TMEM132D: variants seen among roughly 807,000 people sequenced by gnomAD.
TMEM132D encodes the protein mature OL transmembrane protein.
TMEM132D carries 21 observed loss-of-function variants against 62.3 expected under a neutral mutation model. The ratio of observed to expected loss-of-function variants is 0.34; its 90% CI spans 0.24 to 0.49. The LOEUF (loss-of-function observed/expected upper bound fraction) is 0.49, where lower values mean the gene tolerates loss of function less well. Among genes scored for constraint, TMEM132D ranks in the 20% least tolerant of loss-of-function variants. The pLI, the probability that TMEM132D is intolerant of heterozygous loss-of-function variation, is 0.99. For synonymous variants in TMEM132D, 621 were observed against 575.6 expected (o/e 1.08, Z -1.13); for missense variants, 1,346 against 1,402.8 (o/e 0.96, Z 0.65).
At chr12:129,567,546 CATT>C (rs1451649133) in intron 2 of TMEM132D, among the ~76,000 whole-genome samples, 38 of 152,260 alleles carry the variant, frequency 2.5e-4, no homozygotes, top group Middle Eastern at 3.4e-3. Context: ...TCAATAAAAA[CATT>C]ATTGCTACAG....
At chr12:129,134,738 T>C (rs1331472550) in intron 5 of TMEM132D, among the ~76,000 whole-genome samples, 4 of 152,180 alleles carry the variant, frequency 2.6e-5, no homozygotes, top group Non-Finnish European at 5.9e-5. Context: ...CTGTCACTTG[T>C]TAGAGGGGTG....
At chr12:129,631,700 C>G (rs1176825707) in intron 2 of TMEM132D, among the ~76,000 whole-genome samples, 1 of 152,172 alleles carries the variant, frequency 6.6e-6, no homozygotes, top group East Asian at 1.9e-4. Flanking sequence ...AAGTGAGTGC[C>G]AGTGATTCTG....
At chr12:129,451,369 A>G (rs1207812568) in intron 3 of TMEM132D, among the ~76,000 whole-genome samples, 3 of 152,042 alleles carry the variant, frequency 2.0e-5, no homozygotes, top group Non-Finnish European at 4.4e-5. Flanking sequence ...GCATAGCTGC[A>G]CCCCTGCACG....
chr12:129,896,062 C>T (rs1315377097), intron 1 of TMEM132D, among the ~76,000 whole-genome samples: 1 of 151,508 alleles, frequency 6.6e-6, no homozygotes, highest in East Asian at 1.9e-4. Flanking sequence ...CTCCACCATC[C>T]AGGTTCCAGC....
chr12:129,109,134 C>T (rs184440168), intron 5 of TMEM132D, among the ~76,000 whole-genome samples: 14 of 152,274 alleles, frequency 9.2e-5, no homozygotes, highest in East Asian at 1.9e-4. Context: ...AGCACAATAG[C>T]GTTAGAAGAC....
rs758032089 is a variant in TMEM132D at position 129,084,682 on chromosome 12, G to A, written c.1464C>T (p.Tyr488=). The change falls in exon 6 of 9, where the codon TAC becomes TAT. Residue 488 remains tyrosine (Y), a synonymous_variant. Transcript: ENST00000422113. The part of the protein sequence containing the change: ...DVIKVSDRCD[Y]VFVNGKEMKG... ...TCATTTCTTTCCCATTGACAAAGAC[G>A]TAGTCACATCTGTCAGAAACCTGTG... 9.5e-5 allele frequency: 154 copies of A among 1,613,994 alleles called. No homozygotes were observed. Among genetic ancestry groups the A allele is most frequent in the East Asian group, 6.7e-4 (30 of 44,854 alleles).
chr12:129,563,326 C>A (rs1877287400), intron 2 of TMEM132D, among the ~76,000 whole-genome samples: 2 of 152,168 alleles, frequency 1.3e-5, no homozygotes, highest in Admixed American at 6.5e-5. Context: ...AGGCATACAG[C>A]TTTAGTTTGT....
chr12:129,548,369 G>A (rs941753755), intron 2 of TMEM132D, among the ~76,000 whole-genome samples: 7 of 152,164 alleles, frequency 4.6e-5, no homozygotes, highest in South Asian at 2.1e-4. Context: ...CATCCTGTTC[G>A]CCTCCTCCCT....
intron 2 of TMEM132D, among the ~76,000 whole-genome samples, chr12:129,629,495 A>G (rs1383901240): frequency 6.6e-6 from 1 of 151,764 alleles, no homozygotes; most frequent in African/African-American, 2.4e-5. Flanking sequence ...CACCCTCCCC[A>G]CCTAGGAGGC....
At chr12:129,411,677 C>A (rs187542697) in intron 3 of TMEM132D, among the ~76,000 whole-genome samples, 2 of 152,260 alleles carry the variant, frequency 1.3e-5, no homozygotes, top group Admixed American at 1.3e-4. Flanking sequence ...TTTTAAACAG[C>A]AGATTTCAGC....
intron 4 of TMEM132D, among the ~76,000 whole-genome samples, chr12:129,238,434 T>G (rs1027561690): frequency 1.9e-4 from 29 of 152,200 alleles, no homozygotes; most frequent in African/African-American, 7.0e-4. Context: ...CTTTAGAACT[T>G]CATCTTGCAA....
chr12:129,803,950 T>G (rs1006139339), intron 1 of TMEM132D, among the ~76,000 whole-genome samples: 1 of 133,700 alleles, frequency 7.5e-6, no homozygotes, highest in East Asian at 2.2e-4. Flanking sequence ...AAGAAATGGA[T>G]AAATTCCTTG....
At chr12:129,621,012 G>A (rs925877428) in intron 2 of TMEM132D, among the ~76,000 whole-genome samples, 1 of 152,138 alleles carries the variant, frequency 6.6e-6, no homozygotes, top group African/African-American at 2.4e-5. Context: ...AAAGAAGTCA[G>A]GTCACATCAT....
chr12:129,541,643 AC>A (rs1486184811), intron 2 of TMEM132D, among the ~76,000 whole-genome samples: 1 of 152,154 alleles, frequency 6.6e-6, no homozygotes, highest in Admixed American at 6.5e-5. Context: ...TGAACTGCCC[AC>A]ATGTCAATGA....
chr12:129,524,910 A>ATTTCTTTTTC (rs1875967524), intron 3 of TMEM132D, among the ~76,000 whole-genome samples: 3 of 137,122 alleles, frequency 2.2e-5, no homozygotes, highest in East Asian at 4.5e-4. Flanking sequence ...TATTATTTTC[A>ATTTCTTTTTC]TATTTTTTTC....
chr12:129,725,842 A>T (rs1869015230), intron 1 of TMEM132D, among the ~76,000 whole-genome samples: 1 of 152,210 alleles, frequency 6.6e-6, no homozygotes, highest in Admixed American at 6.5e-5. Flanking sequence ...GACGTCTGGG[A>T]ACCTGGCTGG....
Position 129,270,386 on chromosome 12 carries a change from T to C in TMEM132D, c.1300-60723A>G, listed in dbSNP as rs1447528956. 2.6e-5 allele frequency among the ~76,000 whole-genome samples: 4 copies of C among 152,228 alleles called. No homozygotes were observed. The East Asian group carries it at 7.7e-4, about 29-fold the overall frequency. ...AGACTCAAGAGTCAAAGATGACTTC[T>C]GGAAAATTAAAGTATTTAGACAATT... On this transcript the variant is annotated intron_variant, in intron 4 of 8. Coordinates refer to ENST00000422113, the MANE Select transcript of TMEM132D (RefSeq NM_133448.3).
chr12:129,860,239 CT>C (rs1873848800), intron 1 of TMEM132D, among the ~76,000 whole-genome samples: 1 of 152,232 alleles, frequency 6.6e-6, no homozygotes, highest in African/African-American at 2.4e-5. Flanking sequence ...AAAACGATTA[CT>C]GCATGCCCTT....
intron 2 of TMEM132D, among the ~76,000 whole-genome samples, chr12:129,591,351 T>A (rs1878185500): frequency 6.6e-6 from 1 of 152,198 alleles, no homozygotes; most frequent in South Asian, 2.1e-4. Context: ...ATCATCCATA[T>A]CATCAAACAG....
Sources: allele counts gnomAD v4.1 joint callset (sites outside exome capture counted in the v4.1 genomes callset), GRCh38; gene constraint gnomAD v4.1.1; transcripts MANE v1.5; gene names NCBI Gene and HGNC (gene_info 2026-07-23, HGNC 2026-07-21).